Variants in SWT1 observed in about 807,000 individuals in gnomAD.
SWT1 encodes SWT1 RNA endoribonuclease homolog.
Under a neutral mutation model 107.3 loss-of-function variants are expected in SWT1, and 33 were observed. The observed-to-expected ratio is 0.31, with a 90% confidence interval of 0.23 to 0.41. SWT1 has a LOEUF of 0.41. Among genes scored for constraint, SWT1 ranks in the 10% least tolerant of loss-of-function variants. SWT1 has a pLI of 1.00. For synonymous variants in SWT1, 345 were observed against 348.3 expected (o/e 0.99, Z 0.11); for missense variants, 898 against 1,028.9 (o/e 0.87, Z 1.74).
At chr1:185,262,103 T>C (rs144176173) in intron 16 of SWT1, among the ~76,000 whole-genome samples, 1 of 152,252 alleles carries the variant, frequency 6.6e-6, no homozygotes, top group East Asian at 1.9e-4. Flanking sequence ...AGTGGAAAAA[T>C]AGTAGATACC....
chr1:185,209,011 A>G (rs1658555356), intron 13 of SWT1, among the ~76,000 whole-genome samples: 1 of 152,126 alleles, frequency 6.6e-6, no homozygotes, highest in South Asian at 2.1e-4. Flanking sequence ...TCTTATCTGA[A>G]CTGCTGTGGT....
chr1:185,206,601 A>T (rs753570787), intron 12 of SWT1, 24 bp from the exon 13 acceptor site: 34 of 1,400,206 alleles, frequency 2.4e-5, no homozygotes, highest in Middle Eastern at 1.9e-4. Context: ...TAGAGATGTT[A>T]ATTTTTTTCT....
At chr1:185,166,024 G>A (rs1654540224) in intron 2 of SWT1, among the ~76,000 whole-genome samples, 1 of 152,006 alleles carries the variant, frequency 6.6e-6, no homozygotes, top group Admixed American at 6.6e-5. Context: ...AGCCCTTCCT[G>A]TTTCCTTTCT....
At chr1:185,191,528 C>A (rs1420413672) in intron 10 of SWT1, among the ~76,000 whole-genome samples, 1 of 151,888 alleles carries the variant, frequency 6.6e-6, no homozygotes, top group Non-Finnish European at 1.5e-5. Context: ...AATCGTTAGC[C>A]CTAACATGTT....
At chr1:185,257,456 G>C (rs1488014128) in intron 16 of SWT1, among the ~76,000 whole-genome samples, 1 of 152,140 alleles carries the variant, frequency 6.6e-6, no homozygotes, top group Admixed American at 6.5e-5. Context: ...AGGACCCTCC[G>C]AGCCAGGTGC....
chr1:185,290,100 CA>C (rs1001876511), intron 18 of SWT1, among the ~76,000 whole-genome samples: 35 of 142,140 alleles, frequency 2.5e-4, no homozygotes, highest in Middle Eastern at 3.6e-3. Flanking sequence ...CTGTCTCTAC[CA>C]AAAAAAAAAG....
intron 16 of SWT1, among the ~76,000 whole-genome samples, chr1:185,239,991 T>C (rs1308843931): frequency 6.6e-6 from 1 of 152,078 alleles, no homozygotes; most frequent in Admixed American, 6.6e-5. Flanking sequence ...CAGAGTTAAC[T>C]AAACAGGTCA....
At chr1:185,276,150 G>T (rs1421925302) in intron 17 of SWT1, among the ~76,000 whole-genome samples, 3 of 152,048 alleles carry the variant, frequency 2.0e-5, no homozygotes, top group African/African-American at 7.2e-5. Context: ...TATGATGAAA[G>T]ATTTTTATAT....
chr1:185,246,003 G>C (rs1407469242), intron 16 of SWT1, among the ~76,000 whole-genome samples: 1 of 151,968 alleles, frequency 6.6e-6, no homozygotes, highest in Non-Finnish European at 1.5e-5. Flanking sequence ...CCTGACCTCA[G>C]GTGATCTGCC....
chr1:185,181,462 A>G (rs994167400), intron 6 of SWT1, among the ~76,000 whole-genome samples: 6 of 152,216 alleles, frequency 3.9e-5, no homozygotes, highest in Admixed American at 6.5e-5. Flanking sequence ...TGGTTTTAAG[A>G]TCTAGATTTC....
At chr1:185,206,060 G>A (rs970429025) in intron 12 of SWT1, among the ~76,000 whole-genome samples, 4 of 151,998 alleles carry the variant, frequency 2.6e-5, no homozygotes, top group African/African-American at 7.3e-5. Flanking sequence ...CCGGTTTCAA[G>A]CTATTCTCCT....
chr1:185,160,049 A>G (rs1394058078), intron 1 of SWT1, among the ~76,000 whole-genome samples: 1 of 152,226 alleles, frequency 6.6e-6, no homozygotes, highest in East Asian at 1.9e-4. Context: ...CCATTGTTTC[A>G]GTACCTCAAA....
At chr1:185,182,232 T>C (rs572049512) in intron 7 of SWT1, among the ~76,000 whole-genome samples, 175 bp downstream of exon 7, 13 of 152,366 alleles carry the variant, frequency 8.5e-5, no homozygotes, top group African/African-American at 2.4e-4. Flanking sequence ...ATTTGTCTTA[T>C]TGGTTTTACA....
rs71812649 is a variant in SWT1 at position 185,208,649 on chromosome 1, AAAGT to A, written c.1972+1891_1972+1894del. 4.2e-3 allele frequency among the ~76,000 whole-genome samples: 635 copies of A among 152,314 alleles called. 17 individuals carry two copies. The highest frequency in any genetic ancestry group is 0.028 in the Admixed American group (427 of 15,282). ...CAATTATTATGTGTCAACCATAAAT[AAAGT>A]AAGTCGATAAATAAATATTTCCCCT... On this transcript the variant is annotated intron_variant, in intron 13 of 18. Coordinates refer to ENST00000367500, the MANE Select transcript of SWT1 (RefSeq NM_017673.7).
At position 185,190,643 on chromosome 1, in the gene SWT1, G is replaced by A. The variant is rs1394100511; in HGVS notation, c.1523+1G>A. 6.4e-7 allele frequency: 1 copy of A among 1,565,496 alleles called. No homozygotes were observed. The highest frequency in any genetic ancestry group is 8.8e-7 in the Non-Finnish European group (1 of 1,141,454). On this transcript the variant is annotated splice_donor_variant, in intron 10 of 18. Coordinates refer to ENST00000367500, the MANE Select transcript of SWT1 (RefSeq NM_017673.7). LOFTEE classifies it high-confidence loss of function. Reference sequence around the variant, plus strand: ...CTTGTTCTTTTGTTATTCTGTGCACGTGAGTTTCATAGTCATTTGACTTTT... The same window carrying A: ...CTTGTTCTTTTGTTATTCTGTGCACATGAGTTTCATAGTCATTTGACTTTT...
chr1:185,206,614 A>G lies in SWT1; in HGVS notation c.1834-11A>G. On this transcript the variant is annotated splice_polypyrimidine_tract_variant and intron_variant, in intron 12 of 18. Coordinates refer to ENST00000367500, the MANE Select transcript of SWT1 (RefSeq NM_017673.7). ...TCTAGAGATGTTAATTTTTTTCTACATACTCTTTAGATCCTGTACCTGAAA... is the reference window on the plus strand; with the variant it reads ...TCTAGAGATGTTAATTTTTTTCTACGTACTCTTTAGATCCTGTACCTGAAA... 2.7e-6 allele frequency: 4 copies of G among 1,459,294 alleles called. No individual in the cohort carries two copies. The highest frequency in any genetic ancestry group is 2.7e-6 in the Non-Finnish European group (3 of 1,098,570). 90.4% of individuals were successfully genotyped at this position (1,459,294 alleles called of 1,614,324 possible).
chr1:185,287,332 T>C (rs1665006099), intron 18 of SWT1, among the ~76,000 whole-genome samples: 1 of 152,210 alleles, frequency 6.6e-6, no homozygotes, highest in African/African-American at 2.4e-5. Flanking sequence ...AAATAGTGGC[T>C]GTTATTTTGC....
intron 12 of SWT1, among the ~76,000 whole-genome samples, chr1:185,206,181 A>G (rs755943675): frequency 6.6e-6 from 1 of 152,012 alleles, no homozygotes; most frequent in Non-Finnish European, 1.5e-5. Context: ...CTGGTCTCGA[A>G]CTCCTGACCT....
intron 1 of SWT1, among the ~76,000 whole-genome samples, chr1:185,159,234 GCA>G (rs1653933299): frequency 6.6e-6 from 1 of 152,202 alleles, no homozygotes; most frequent in Non-Finnish European, 1.5e-5. Context: ...TGATTACCAA[GCA>G]TCAGGAATCA....
Sources: gnomAD v4.1 joint callset for allele counts (sites outside exome capture counted in the v4.1 genomes callset) on GRCh38, gnomAD v4.1.1 for gene constraint, MANE v1.5 for transcripts, NCBI Gene and HGNC (gene_info 2026-07-23, HGNC 2026-07-21) for gene names.